Variants in LAMB1 observed in about 807,000 individuals in gnomAD.
The protein encoded by LAMB1 is laminin subunit beta 1.
A neutral mutation model predicts 222.3 loss-of-function variants in LAMB1; 121 were observed. The ratio of observed to expected loss-of-function variants is 0.54; its 90% CI spans 0.47 to 0.63. The LOEUF (loss-of-function observed/expected upper bound fraction) is 0.63, where lower values mean the gene tolerates loss of function less well. LAMB1 is among the 30% of genes least tolerant of loss of function. LAMB1 has a pLI of 0.00. For synonymous variants in LAMB1, 794 were observed against 807.2 expected (o/e 0.98, Z 0.28); for missense variants, 2,172 against 2,240.8 (o/e 0.97, Z 0.62).
intron 27 of LAMB1, among the ~76,000 whole-genome samples, chr7:107,934,864 G>C (rs1011578116): frequency 2.3e-5 from 3 of 128,428 alleles, no homozygotes; most frequent in African/African-American, 5.7e-5. Flanking sequence ...CTAGGAGTTT[G>C]AGGTCAGCCT....
intron 9 of LAMB1, among the ~76,000 whole-genome samples, chr7:107,977,195 AG>A (rs879625854): frequency 0.39 from 58,825 of 151,064 alleles, 11,702 homozygotes; most frequent in Middle Eastern, 0.5. Context: ...TGACCACTCC[AG>A]CTCTCACTGG....
chr7:107,959,755 C>G lies in LAMB1; in HGVS notation c.2394G>C (p.Val798=). 6.2e-7 allele frequency: 1 copy of G among 1,614,188 alleles called. No individual in the cohort carries two copies. The highest frequency in any genetic ancestry group is 8.5e-7 in the Non-Finnish European group (1 of 1,180,040). ...NGGQCQCRPN[V]VGRTCNRCAP... is the part of the protein sequence containing the mutation. ...CACATCTGTTGCAGGTTCTTCCAAC[C>G]ACGTTGGGCCGGCACTGGCACTGGC... Residue 798 remains valine, a synonymous_variant, in exon 19 of 34, where the codon GTG becomes GTC. Coordinates refer to ENST00000222399, the MANE Select transcript of LAMB1 (RefSeq NM_002291.3).
chr7:107,979,254 A>G (rs1319699280), intron 8 of LAMB1, among the ~76,000 whole-genome samples: 2 of 152,236 alleles, frequency 1.3e-5, no homozygotes, highest in East Asian at 3.8e-4. Context: ...AGGCTCCGTC[A>G]AAAATTCAAC....
chr7:107,934,730 C>T (rs913116386), intron 27 of LAMB1, among the ~76,000 whole-genome samples: 7 of 152,036 alleles, frequency 4.6e-5, no homozygotes, highest in African/African-American at 1.7e-4. Context: ...TGAATTCCTA[C>T]ACTGAGATGG....
chr7:107,976,330 G>A (rs2033854273), intron 9 of LAMB1, among the ~76,000 whole-genome samples: 1 of 152,090 alleles, frequency 6.6e-6, no homozygotes, highest in Non-Finnish European at 1.5e-5. Context: ...AGGCCTGAAG[G>A]ATGGATTCCC....
chr7:107,965,233 C>A (rs559892156), intron 13 of LAMB1, among the ~76,000 whole-genome samples: 20 of 152,344 alleles, frequency 1.3e-4, no homozygotes, highest in African/African-American at 4.1e-4. Context: ...GTGATTTTTA[C>A]TTCTGCATCT....
chr7:107,979,408 G>A (rs903819226), intron 8 of LAMB1, among the ~76,000 whole-genome samples: 3 of 152,192 alleles, frequency 2.0e-5, no homozygotes, highest in Non-Finnish European at 4.4e-5. Flanking sequence ...CATGAGGGGA[G>A]GCCACAGCTT....
chr7:107,952,214 C>G lies in LAMB1; in HGVS notation c.3089G>C (p.Cys1030Ser). ...CTCTTGCACGGTGCCCAGGTAATTA[C>G]AGACACACTCTGCAAAAGAACATCA... ...ALQQDCRKCV[C>S]NYLGTVQEHC... The change falls in exon 23 of 34, where the codon TGT (cysteine) becomes TCT (serine). Residue 1030 changes from cysteine to serine, a missense_variant. By Grantham distance (112) the Cys-to-Ser change is moderately radical. Transcript: ENST00000222399. 1.9e-6 allele frequency: 3 copies of G among 1,598,582 alleles called. No individual in the cohort carries two copies. Among genetic ancestry groups the G allele is most frequent in the Non-Finnish European group, 2.6e-6 (3 of 1,167,532 alleles).
intron 29 of LAMB1, chr7:107,929,905 A>G: frequency 2.3e-6 from 1 of 437,444 alleles, no homozygotes; most frequent in East Asian, 4.5e-5. Context: ...ATTTTAAGGG[A>G]TAATAGAATT....
chr7:107,980,825 C>CAAGAAGATGA lies in LAMB1; in HGVS notation c.677-24_677-15dup. Reference sequence around the variant, plus strand: ...TTTTTAATAAATCTAGGAAGGTCATCAAGAAGATGAAAAGTCTGATCAGAC... The same window carrying CAAGAAGATGA: ...TTTTTAATAAATCTAGGAAGGTCATCAAGAAGATGAAAGAAGATGAAAAGTCTGATCAGAC... On this transcript the variant is annotated splice_polypyrimidine_tract_variant and intron_variant, in intron 7 of 33. Transcript: ENST00000222399. The CAAGAAGATGA allele has an allele frequency of 6.6e-7, 1 of 1,521,570 alleles. No individual in the cohort carries two copies. The highest frequency in any genetic ancestry group is 1.9e-4 in the Middle Eastern group (1 of 5,260). 94.3% of individuals were successfully genotyped at this position (1,521,570 alleles called of 1,614,324 possible). A position where few individuals can be genotyped will look rare whatever the true frequency, so the allele number is the denominator to read the frequency against.
Position 107,964,680 on chromosome 7 carries a change from C to A in LAMB1, c.1570G>T (p.Ala524Ser), listed in dbSNP as rs748515672. 8.1e-6 allele frequency: 13 copies of A among 1,614,054 alleles called. No individual in the cohort carries two copies. The South Asian group carries it at 1.4e-4, about 18-fold the overall frequency. ...LGGALNNSCFAESGQCSCRPH... is the reference protein window; with the variant it reads ...LGGALNNSCFSESGQCSCRPH... The stretch of plus-strand genomic sequence containing the variant: ...CGGCATGAGCACTGGCCTGACTCCG[C>A]AAAGCAACTGGAAGGGAGGAGGAGC... The change falls in exon 14 of 34, where the codon GCG becomes TCG. Residue 524 changes from alanine (A) to serine (S), a missense_variant. Ala to Ser is a moderately conservative substitution (Grantham distance 99, BLOSUM62 1). Transcript: ENST00000222399.
At chr7:107,929,680 A>C (rs895786200) in intron 29 of LAMB1, 61 bp from the exon 30 acceptor site, 36 of 1,346,750 alleles carry the variant, frequency 2.7e-5, no homozygotes, top group Middle Eastern at 3.6e-4. Flanking sequence ...CATTCATTCA[A>C]CCACTTACTG....
chr7:107,959,856 A>T, intron 18 of LAMB1, 22 bp from the exon 19 acceptor site: 1 of 1,607,786 alleles, frequency 6.2e-7, no homozygotes, highest in Non-Finnish European at 8.5e-7. Context: ...GAGAGGCCAG[A>T]ACCCATGACA....
intron 2 of LAMB1, chr7:108,002,522 G>T: frequency 9.4e-7 from 1 of 1,060,016 alleles, no homozygotes; most frequent in Non-Finnish European, 1.3e-6. Flanking sequence ...GGTCAGCACC[G>T]CCAACCCCAG....
chr7:107,961,139 C>T (rs938648863), intron 17 of LAMB1, 67 bp downstream of exon 17: 26 of 1,598,740 alleles, frequency 1.6e-5, no homozygotes, highest in Non-Finnish European at 2.1e-5. Flanking sequence ...AACAAAACAC[C>T]CTGAGAGCAG....
intron 24 of LAMB1, 194 bp from the exon 25 acceptor site, chr7:107,940,552 T>C (rs2116355115): frequency 1.7e-6 from 1 of 591,106 alleles, no homozygotes; most frequent in East Asian, 2.8e-5. Flanking sequence ...GCTAACCCCT[T>C]CTTAGCAGTA....
intron 24 of LAMB1, 93 bp from the exon 25 acceptor site, chr7:107,940,451 T>C: frequency 7.4e-7 from 1 of 1,353,870 alleles, no homozygotes; most frequent in Non-Finnish European, 1.0e-6. Flanking sequence ...ACTGTGAAAA[T>C]GGGAAGGTGT....
At chr7:107,935,682 C>T (rs1398073730) in intron 26 of LAMB1, 26 bp from the exon 27 acceptor site, 2 of 1,609,070 alleles carry the variant, frequency 1.2e-6, no homozygotes, top group Non-Finnish European at 8.5e-7. Context: ...AAATTGCCCA[C>T]AGTTAACCTC....
rs201283061 is a variant in LAMB1 at position 107,924,382 on chromosome 7, T to A, written c.5072A>T (p.Asp1691Val). 4.4e-6 allele frequency: 7 copies of A among 1,604,490 alleles called. No homozygotes were observed. Among genetic ancestry groups the A allele is most frequent in the Non-Finnish European group, 8.5e-7 (1 of 1,174,836 alleles). The part of the protein sequence containing the change: ...QSAEDVKKTL[D>V]GELDEKYKKV... ...TTTATACTTTTCATCAAGTTCACCA[T>A]CTAAAGTCTATAGTTCCACATTTAG... The change falls in exon 33 of 34, where the codon GAT becomes GTT. Residue 1691 changes from aspartate (D) to valine (V), a missense_variant. Transcript: ENST00000222399.
Sources: allele counts gnomAD v4.1 joint callset (sites outside exome capture counted in the v4.1 genomes callset), GRCh38; gene constraint gnomAD v4.1.1; transcripts MANE v1.5; gene names NCBI Gene and HGNC (gene_info 2026-07-23, HGNC 2026-07-21).